TRIM24: variants seen among roughly 807,000 people sequenced by gnomAD.
TRIM24 encodes transcription intermediary factor 1-alpha.
In TRIM24, 29 loss-of-function variants were observed where a neutral mutation model predicts 123.9. That is an observed-to-expected ratio of 0.23 (90% CI 0.17 to 0.32). TRIM24 has a LOEUF of 0.32. TRIM24 is among the 10% of genes least tolerant of loss of function. TRIM24 has a pLI of 1.00. For synonymous variants in TRIM24, 456 were observed against 461.1 expected (o/e 0.99, Z 0.14); for missense variants, 932 against 1,295.3 (o/e 0.72, Z 4.31).
In TRIM24 at chr7:138,589,008, CAA is replaced by C. The variant is rs34173478; in HGVS notation, c.*4071_*4072del. The C allele has an allele frequency of 1.6e-4, 20 of 128,442 alleles. No individual in the cohort carries two copies. Among genetic ancestry groups the C allele is most frequent in the Admixed American group, 2.4e-4 (3 of 12,336 alleles). 8.0% of individuals were successfully genotyped at this position (128,442 alleles called of 1,614,324 possible). A position where few individuals can be genotyped will look rare whatever the true frequency, so the allele number is the denominator to read the frequency against. Reference sequence around the variant, plus strand: ...GGGCAACAAGAGCAAAACTCTGTCTCAAAAAAAAAAAAAAATGGTGACCATGC... The same window carrying C: ...GGGCAACAAGAGCAAAACTCTGTCTCAAAAAAAAAAAAATGGTGACCATGC... On this transcript the variant is annotated 3_prime_UTR_variant, in exon 19 of 19. Transcript: ENST00000343526.
At chr7:138,580,841 C>A in intron 16 of TRIM24, 147 bp downstream of exon 16, 1 of 686,344 alleles carries the variant, frequency 1.5e-6, no homozygotes. Flanking sequence ...GTACATGAAT[C>A]TTAAAGACTG....
intron 6 of TRIM24, among the ~76,000 whole-genome samples, chr7:138,533,713 G>T (rs1796799339): frequency 6.6e-6 from 1 of 152,174 alleles, no homozygotes; most frequent in Non-Finnish European, 1.5e-5. Flanking sequence ...TTGGTATCAG[G>T]ATGATGCTGG....
chr7:138,577,344 AGTT>A (rs775175579), intron 13 of TRIM24, 73 bp from the exon 14 acceptor site: 78 of 1,199,016 alleles, frequency 6.5e-5, no homozygotes, highest in South Asian at 4.3e-4. Flanking sequence ...TATTTTAGAA[AGTT>A]GTTGTTATAC....
chr7:138,537,930 A>G (rs565409650), intron 6 of TRIM24, among the ~76,000 whole-genome samples: 1 of 152,282 alleles, frequency 6.6e-6, no homozygotes, highest in African/African-American at 2.4e-5. Flanking sequence ...TTTCCTTGCT[A>G]GGTCTAGGAT....
chr7:138,505,848 T>C (rs1056658175), intron 2 of TRIM24, among the ~76,000 whole-genome samples: 1 of 152,220 alleles, frequency 6.6e-6, no homozygotes, highest in Non-Finnish European at 1.5e-5. Flanking sequence ...TCATGCATAA[T>C]CTATAGTACT....
At chr7:138,506,308 T>C (rs2116533132) in intron 2 of TRIM24, among the ~76,000 whole-genome samples, 1 of 152,350 alleles carries the variant, frequency 6.6e-6, no homozygotes, top group African/African-American at 2.4e-5. Context: ...CATATTTATG[T>C]AGGCTACAGT....
intron 1 of TRIM24, among the ~76,000 whole-genome samples, chr7:138,495,100 A>G (rs907843622): frequency 2.6e-5 from 4 of 152,236 alleles, no homozygotes; most frequent in African/African-American, 9.6e-5. Flanking sequence ...GGAAAAAGGA[A>G]AAAGAAATAT....
chr7:138,562,093 A>G (rs1404086246), intron 9 of TRIM24, among the ~76,000 whole-genome samples: 1 of 152,140 alleles, frequency 6.6e-6, no homozygotes, highest in East Asian at 1.9e-4. Flanking sequence ...TGGACACCTT[A>G]TACAGGAGAT....
At chr7:138,468,464 TTG>T (rs757614010) in intron 1 of TRIM24, among the ~76,000 whole-genome samples, 54 of 151,924 alleles carry the variant, frequency 3.6e-4, no homozygotes, top group Middle Eastern at 3.4e-3. Flanking sequence ...ATTAATGCCA[TTG>T]TTTTTTTAAT....
chr7:138,470,656 A>G (rs886107218), intron 1 of TRIM24, among the ~76,000 whole-genome samples: 5 of 152,230 alleles, frequency 3.3e-5, no homozygotes, highest in Non-Finnish European at 7.3e-5. Context: ...TACATGTATA[A>G]TAACCTTAAA....
chr7:138,483,072 CA>C (rs1795564722), intron 1 of TRIM24, among the ~76,000 whole-genome samples: 1 of 151,994 alleles, frequency 6.6e-6, no homozygotes, highest in Non-Finnish European at 1.5e-5. Flanking sequence ...CATGTACCAC[CA>C]TGCTCAGCTA....
intron 2 of TRIM24, among the ~76,000 whole-genome samples, chr7:138,508,682 T>TGCGCGCGCGTGCGC (rs1200648763): frequency 4.5e-4 from 21 of 47,184 alleles, no homozygotes; most frequent in African/African-American, 1.2e-3. Context: ...TGTGTGTGTG[T>TGCGCGCGCGTGCGC]GTGTGTGTGT....
Position 138,460,871 on chromosome 7 carries a change from C to T in TRIM24, c.323C>T (p.Pro108Leu), listed in dbSNP as rs1267841048. ...SAETPPPVPAPGSPVSGSSPF... is the reference protein window; with the variant it reads ...SAETPPPVPALGSPVSGSSPF... Reference sequence around the variant, plus strand: ...GAGACCCCGCCACCCGTCCCTGCCCCCGGCTCGCCGGTCAGCGGCTCGTCG... The same window carrying T: ...GAGACCCCGCCACCCGTCCCTGCCCTCGGCTCGCCGGTCAGCGGCTCGTCG... The change falls in exon 1 of 19, where the codon CCC (proline) becomes CTC (leucine). Residue 108 changes from proline (P) to leucine (L), a missense_variant. This residue lies in a region of TRIM24 where 164 missense variants were observed against 181.9 expected (regional missense o/e 0.90). Transcript: ENST00000343526. 6.5e-7 allele frequency: 1 copy of T among 1,541,084 alleles called. No homozygotes were observed. The highest frequency in any genetic ancestry group is 2.6e-5 in the East Asian group (1 of 38,258).
At chr7:138,557,178 G>T (rs529354613) in intron 9 of TRIM24, among the ~76,000 whole-genome samples, 42 of 152,294 alleles carry the variant, frequency 2.8e-4, no homozygotes, top group African/African-American at 9.4e-4. Flanking sequence ...TTGGGCTCTG[G>T]CTTTCCAGAT....
At chr7:138,505,025 T>A (rs1335715690) in intron 2 of TRIM24, among the ~76,000 whole-genome samples, 1 of 152,152 alleles carries the variant, frequency 6.6e-6, no homozygotes, top group Non-Finnish European at 1.5e-5. Flanking sequence ...CCTCTCAAAG[T>A]GTTGGGATTA....
chr7:138,572,349 G>A (rs866411813), intron 11 of TRIM24, among the ~76,000 whole-genome samples: 61 of 152,128 alleles, frequency 4.0e-4, no homozygotes, highest in Middle Eastern at 3.4e-3. Flanking sequence ...AGTACTTTTT[G>A]TACTCTTTGA....
rs967825930 is a variant in TRIM24 at position 138,554,009 on chromosome 7, G to A, written c.1262-689G>A. ...TTTATATAGCACTTAGCACCCTCCC[G>A]CTAGCAACCTCCATGTGGCAACCTT... On this transcript the variant is annotated intron_variant, in intron 8 of 18. Transcript: ENST00000343526. The surrounding 1 kb of genome is among the most constrained non-coding windows in gnomAD (Gnocchi z 4.5). 1.4e-4 allele frequency among the ~76,000 whole-genome samples: 22 copies of A among 152,128 alleles called. No individual in the cohort carries two copies. Among genetic ancestry groups the A allele is most frequent in the African/African-American group, 5.1e-4 (21 of 41,426 alleles).
intron 7 of TRIM24, among the ~76,000 whole-genome samples, chr7:138,540,612 C>T (rs533738196): frequency 5.9e-5 from 9 of 152,286 alleles, no homozygotes; most frequent in African/African-American, 1.7e-4. Context: ...TCTGTAATTC[C>T]TTCTTCACTG....
At chr7:138,476,556 G>T (rs1795404494) in intron 1 of TRIM24, among the ~76,000 whole-genome samples, 1 of 148,942 alleles carries the variant, frequency 6.7e-6, no homozygotes, top group South Asian at 2.1e-4. Flanking sequence ...TCATGCCACT[G>T]CACTCCAGCC....
Sources: gnomAD v4.1 joint callset for allele counts (sites outside exome capture counted in the v4.1 genomes callset) on GRCh38, gnomAD v4.1.1 for gene constraint, gnomAD v4.1.1 regional missense constraint, Gnocchi (gnomAD v3.1) non-coding constraint, MANE v1.5 for transcripts, NCBI Gene and HGNC (gene_info 2026-07-23, HGNC 2026-07-21) for gene names.